Variants in GTF2B observed in about 807,000 individuals in gnomAD.
The protein encoded by GTF2B is transcription initiation factor IIB.
A neutral mutation model predicts 34.6 loss-of-function variants in GTF2B; 20 were observed. That is an observed-to-expected ratio of 0.58 (90% CI 0.41 to 0.84). GTF2B has a LOEUF of 0.84. Among genes scored for constraint, GTF2B ranks in the 40% least tolerant of loss-of-function variants. The pLI, the probability that GTF2B is intolerant of heterozygous loss-of-function variation, is 0.00. For synonymous variants in GTF2B, 142 were observed against 132.4 expected (o/e 1.07, Z -0.50); for missense variants, 237 against 393.3 (o/e 0.60, Z 3.36).
At chr1:88,853,967 G>C (rs1195560627) in intron 6 of GTF2B, among the ~76,000 whole-genome samples, 1 of 152,116 alleles carries the variant, frequency 6.6e-6, no homozygotes, top group Non-Finnish European at 1.5e-5. Context: ...ATGTTTTAAA[G>C]GGTTTAACTA....
chr1:88,891,274 G>A (rs1005076249), intron 1 of GTF2B, among the ~76,000 whole-genome samples: 1 of 152,182 alleles, frequency 6.6e-6, no homozygotes, highest in Non-Finnish European at 1.5e-5. Context: ...AGACTCCAGG[G>A]CAATAACGTC....
chr1:88,862,457 G>A (rs1030482786), intron 3 of GTF2B, among the ~76,000 whole-genome samples: 2 of 152,134 alleles, frequency 1.3e-5, no homozygotes, highest in African/African-American at 4.8e-5. Context: ...TGGAAGGATC[G>A]CTTCAGCCTG....
intron 2 of GTF2B, among the ~76,000 whole-genome samples, chr1:88,877,315 C>T (rs889692827): frequency 1.3e-5 from 2 of 152,168 alleles, no homozygotes; most frequent in African/African-American, 4.8e-5. Flanking sequence ...CTTTTACATA[C>T]AATCAAATAA....
At chr1:88,859,749 T>C in intron 5 of GTF2B, 133 bp downstream of exon 5, 2 of 685,234 alleles carry the variant, frequency 2.9e-6, no homozygotes, top group South Asian at 1.8e-5. Context: ...GGCAGGAGTA[T>C]AGCTTGAACC....
chr1:88,889,520 C>A (rs896093596), intron 1 of GTF2B, among the ~76,000 whole-genome samples: 3 of 152,228 alleles, frequency 2.0e-5, no homozygotes, highest in Non-Finnish European at 2.9e-5. Flanking sequence ...TATTGTCAAT[C>A]TCCACAACAA....
At position 88,857,231 on chromosome 1, in the gene GTF2B, T is replaced by C. The variant is rs1414516980; in HGVS notation, c.792A>G (p.Ala264=). 2.5e-6 allele frequency: 4 copies of C among 1,613,026 alleles called. No individual in the cohort carries two copies. The highest frequency in any genetic ancestry group is 3.4e-6 in the Non-Finnish European group (4 of 1,179,658). Residue 264 remains alanine, a synonymous_variant, in exon 6 of 7, where the codon GCA becomes GCG. Transcript: ENST00000370500. ...CTTTTTGGGTCCTCTTTTCAGCTGA[T>C]GCCTGTGAGGCCATGTAAATAGCTG... ...AAAAIYMASQ[A]SAEKRTQKEI...
At chr1:88,875,450 A>G (rs1458179920) in intron 2 of GTF2B, among the ~76,000 whole-genome samples, 1 of 152,224 alleles carries the variant, frequency 6.6e-6, no homozygotes, top group Non-Finnish European at 1.5e-5. Context: ...TTCCTCAAAT[A>G]CAAGTAGGTC....
intron 1 of GTF2B, among the ~76,000 whole-genome samples, chr1:88,889,381 G>T (rs1456376851): frequency 6.6e-6 from 1 of 152,162 alleles, no homozygotes; most frequent in Admixed American, 6.5e-5. Flanking sequence ...ACAATAGGGA[G>T]GAATAGAGAA....
chr1:88,858,098 T>A (rs140695645), intron 5 of GTF2B, among the ~76,000 whole-genome samples: 2 of 151,828 alleles, frequency 1.3e-5, no homozygotes, highest in Non-Finnish European at 2.9e-5. Context: ...CTCTGCCCCC[T>A]GGGTTCAAGC....
intron 1 of GTF2B, among the ~76,000 whole-genome samples, chr1:88,890,948 G>C (rs1169070455): frequency 6.6e-6 from 1 of 151,994 alleles, no homozygotes; most frequent in African/African-American, 2.4e-5. Flanking sequence ...TTCCACTTCC[G>C]AGGCCCGCTG....
chr1:88,856,290 A>AAAAAAAAAAAAAG (rs1673310221), intron 6 of GTF2B, among the ~76,000 whole-genome samples: 3 of 80,150 alleles, frequency 3.7e-5, no homozygotes, highest in Non-Finnish European at 6.7e-5. Context: ...AAAAAAAAAA[A>AAAAAAAAAAAAAG]CAAAAAAAAA....
intron 5 of GTF2B, 89 bp from the exon 6 acceptor site, chr1:88,857,576 C>T (rs958932551): frequency 9.1e-6 from 6 of 662,616 alleles, no homozygotes; most frequent in Non-Finnish European, 1.3e-5. Flanking sequence ...ACATAATATA[C>T]ATTCTAATTG....
intron 3 of GTF2B, among the ~76,000 whole-genome samples, chr1:88,861,664 CAAACA>C (rs1018580240): frequency 7.9e-5 from 12 of 151,976 alleles, no homozygotes; most frequent in Admixed American, 3.9e-4. Flanking sequence ...AACTCTGTCT[CAAACA>C]AAACAAAACA....
intron 2 of GTF2B, among the ~76,000 whole-genome samples, chr1:88,869,506 A>T (rs1673638481): frequency 1.3e-5 from 2 of 152,248 alleles, no homozygotes; most frequent in African/African-American, 4.8e-5. Context: ...GTCACAAAAA[A>T]GTTCATACTA....
At chr1:88,855,167 CA>C (rs1673274534) in intron 6 of GTF2B, among the ~76,000 whole-genome samples, 1 of 152,168 alleles carries the variant, frequency 6.6e-6, no homozygotes, top group Non-Finnish European at 1.5e-5. Flanking sequence ...CTAAAAGACT[CA>C]AAATTTCCTT....
intron 5 of GTF2B, among the ~76,000 whole-genome samples, chr1:88,859,306 C>G (rs1673386165): frequency 6.6e-6 from 1 of 152,184 alleles, no homozygotes; most frequent in African/African-American, 2.4e-5. Context: ...CACAAAGCAA[C>G]AGTCCATCAA....
At chr1:88,878,149 A>G (rs550772027) in intron 2 of GTF2B, among the ~76,000 whole-genome samples, 30 of 152,268 alleles carry the variant, frequency 2.0e-4, no homozygotes, top group African/African-American at 7.2e-4. Flanking sequence ...GTGTGCCTGT[A>G]GTCCCAGCTA....
intron 3 of GTF2B, among the ~76,000 whole-genome samples, chr1:88,863,344 ATTCTT>A (rs10546885): frequency 0.034 from 5,242 of 151,964 alleles, 238 homozygotes; most frequent in African/African-American, 0.11. Context: ...AAGAGAAGAC[ATTCTT>A]TTCTTTTTTT....
In GTF2B at chr1:88,887,246, A is replaced by G. The variant is rs780541567; in HGVS notation, c.124+15T>C. On this transcript the variant is annotated intron_variant, in intron 2 of 6. Transcript: ENST00000370500. Reference sequence around the variant, plus strand: ...CTGAACAGTAATTTAAATTAAAACCATAATAACAACTCACCTACAACCAAG... The same window carrying G: ...CTGAACAGTAATTTAAATTAAAACCGTAATAACAACTCACCTACAACCAAG... The G allele has an allele frequency of 6.6e-7, 1 of 1,505,530 alleles. No homozygotes were observed. The highest frequency in any genetic ancestry group is 9.2e-7 in the Non-Finnish European group (1 of 1,082,778). 93.3% of individuals were successfully genotyped at this position (1,505,530 alleles called of 1,614,324 possible).
Sources: gnomAD v4.1 joint callset for allele counts (sites outside exome capture counted in the v4.1 genomes callset) on GRCh38, gnomAD v4.1.1 for gene constraint, MANE v1.5 for transcripts, NCBI Gene and HGNC (gene_info 2026-07-23, HGNC 2026-07-21) for gene names.